TKFC: variants seen among roughly 807,000 people sequenced by gnomAD.
TKFC encodes triokinase and FMN cyclase.
TKFC carries 46 observed loss-of-function variants against 61.0 expected under a neutral mutation model. That is an observed-to-expected ratio of 0.75 (90% CI 0.60 to 0.96). The LOEUF is 0.96. Ranked by LOEUF, TKFC falls within the 50% of genes least tolerant of loss-of-function variation. The pLI is 0.00. For synonymous variants in TKFC, 314 were observed against 330.1 expected, an observed-to-expected ratio of 0.95 and a Z score of 0.53; for missense variants, 715 against 777.5, an observed-to-expected ratio of 0.92 and a Z score of 0.96.
At position 61,339,359 on chromosome 11, in the gene TKFC, T is replaced by A; in HGVS notation, c.410T>A (p.Ile137Asn). 1.2e-6 allele frequency: 2 copies of A among 1,613,646 alleles called. No individual in the cohort carries two copies. Among genetic ancestry groups the A allele is most frequent in the Non-Finnish European group, 1.7e-6 (2 of 1,180,004 alleles). ...GGCATCCCGGTGGAGATGGTGGTGA[T>A]TGGGGACGACAGCGCCTTCACTGTC... ...AEGIPVEMVVIGDDSAFTVLK... is the reference protein window; with the variant it reads ...AEGIPVEMVVNGDDSAFTVLK... Residue 137 changes from isoleucine (I) to asparagine (N), a missense_variant, in exon 5 of 18, where the codon ATT (isoleucine) becomes AAT (asparagine). Ile to Asn is a moderately radical substitution (Grantham distance 149, BLOSUM62 -3). Coordinates refer to ENST00000394900, the MANE Select transcript of TKFC (RefSeq NM_015533.4).
At chr11:61,350,397 C>T, downstream of TKFC, 1 of 1,610,142 alleles carries the variant, frequency 6.2e-7, no homozygotes, top group Non-Finnish European at 8.5e-7. Context: ...CTTCCTGCTG[C>T]TTCACTCCCC....
intron 1 of TKFC, 100 bp from the exon 2 acceptor site, chr11:61,334,520 A>C (rs1422179567): frequency 1.7e-6 from 1 of 591,970 alleles, no homozygotes; most frequent in African/African-American, 1.9e-5. Context: ...CTTGGACCGA[A>C]GTCTGGGGCA....
chr11:61,334,534 C>T (rs1856520955), intron 1 of TKFC, 86 bp from the exon 2 acceptor site: 2 of 637,606 alleles, frequency 3.1e-6, no homozygotes, highest in African/African-American at 1.8e-5. Context: ...TGGGGCAGCT[C>T]CCTAATTACT....
chr11:61,333,791 A>G (rs905424846), intron 1 of TKFC: 1 of 152,148 alleles, frequency 6.6e-6, no homozygotes, highest in African/African-American at 2.4e-5. Flanking sequence ...CCCACATCAA[A>G]CAGGCTCCCC....
chr11:61,342,543 G>C, intron 8 of TKFC, 31 bp from the exon 9 acceptor site: 1 of 1,614,060 alleles, frequency 6.2e-7, no homozygotes, highest in Non-Finnish European at 8.5e-7. Context: ...AGGCCCCCCA[G>C]ATGCAGCTCA....
Position 61,343,352 on chromosome 11 carries a change from G to A in TKFC, c.876G>A (p.Gly292=). Residue 292 remains glycine (G), a synonymous_variant, in exon 11 of 18, where the codon GGG becomes GGA. Transcript: ENST00000394900. ...ACTCTGGTATTGCAGAGGGCCGCGG[G>A]GTGAAGATTGCCCGTGCCCTGGTGG... is the stretch of plus-strand genomic sequence containing the variant. ...DATVRSLEGR[G]VKIARALVGT... is the part of the protein sequence containing the mutation. The A allele has an allele frequency of 6.2e-7, 1 of 1,614,118 alleles. No homozygotes were observed. Among genetic ancestry groups the A allele is most frequent in the Non-Finnish European group, 8.5e-7 (1 of 1,179,974 alleles).
chr11:61,334,573 C>T (rs1441444750), intron 1 of TKFC, 47 bp from the exon 2 acceptor site: 11 of 927,624 alleles, frequency 1.2e-5, no homozygotes, highest in South Asian at 3.0e-5. Flanking sequence ...TTGTGCCAGT[C>T]GACTGCGAGT....
rs1857249687 is a variant in TKFC at position 61,348,512 on chromosome 11, C to T, written c.*2009C>T. On this transcript the variant is annotated 3_prime_UTR_variant, in exon 18 of 18. Coordinates refer to ENST00000394900, the MANE Select transcript of TKFC (RefSeq NM_015533.4). ...AGAGACTGAATGTTTGTGTCCCCCC[C>T]AAATTCCTGTGTTGAAAGGCTCACC... The T allele has an allele frequency of 4.1e-6, 4 of 984,904 alleles. No homozygotes were observed. Among genetic ancestry groups the T allele is most frequent in the South Asian group, 9.4e-5 (2 of 21,280 alleles). 61.0% of individuals were successfully genotyped at this position (984,904 alleles called of 1,614,324 possible).
chr11:61,334,689 G>T lies in TKFC; in HGVS notation c.-40G>T. Reference sequence around the variant, plus strand: ...ATTGTCCATCCTCCAGCAGCTCAGTGCAACGGTGTGAACTCAGCCTGTTTC... The same window carrying T: ...ATTGTCCATCCTCCAGCAGCTCAGTTCAACGGTGTGAACTCAGCCTGTTTC... On this transcript the variant is annotated 5_prime_UTR_variant, in exon 2 of 18. Transcript: ENST00000394900. The T allele has an allele frequency of 6.2e-7, 1 of 1,613,980 alleles. No individual in the cohort carries two copies. The highest frequency in any genetic ancestry group is 8.5e-7 in the Non-Finnish European group (1 of 1,179,922).
intron 9 of TKFC, 42 bp from the exon 10 acceptor site, chr11:61,342,713 A>G: frequency 6.2e-7 from 1 of 1,612,608 alleles, no homozygotes; most frequent in Non-Finnish European, 8.5e-7. Context: ...TGGGGAGGAG[A>G]CGCCCAGAGG....
chr11:61,349,760 C>G (rs1257892238), downstream of TKFC: 2 of 657,908 alleles, frequency 3.0e-6, no homozygotes, highest in Admixed American at 4.2e-5. Flanking sequence ...GCCACTCCCC[C>G]TTTCTGCAAT....
At chr11:61,342,519 C>T in intron 8 of TKFC, 24 bp downstream of exon 8, 1 of 1,614,078 alleles carries the variant, frequency 6.2e-7, no homozygotes, top group East Asian at 2.2e-5. Flanking sequence ...CTGGCACAGG[C>T]CGCCCTAAGG....
intron 7 of TKFC, 198 bp from the exon 8 acceptor site, chr11:61,342,263 C>T: frequency 1.4e-6 from 1 of 691,240 alleles, no homozygotes; most frequent in Non-Finnish European, 2.5e-6. Context: ...CCTTAACTAT[C>T]TCTAGTTAAA....
chr11:61,352,729 A>G (rs1019084711), downstream of TKFC: 4 of 1,142,960 alleles, frequency 3.5e-6, no homozygotes, highest in Middle Eastern at 2.1e-4. Flanking sequence ...AGGGTGGTTG[A>G]CAGGATTAAA....
In TKFC at chr11:61,339,205, G is replaced by A. The variant is rs201326183; in HGVS notation, c.304+29G>A. ...AGCCTGGCATGCAGGAGGGGCTGCGGCAGGGAGGGCACAGTAAGCACACTG... is the reference window on the plus strand; with the variant it reads ...AGCCTGGCATGCAGGAGGGGCTGCGACAGGGAGGGCACAGTAAGCACACTG... On this transcript the variant is annotated intron_variant, in intron 4 of 17. Coordinates refer to ENST00000394900, the MANE Select transcript of TKFC (RefSeq NM_015533.4). 4.3e-6 allele frequency: 7 copies of A among 1,612,298 alleles called. No individual in the cohort carries two copies. The African/African-American group carries it at 9.3e-5, about 22-fold the overall frequency.
At chr11:61,353,018 A>G, downstream of TKFC, 1 of 1,614,162 alleles carries the variant, frequency 6.2e-7, no homozygotes, top group Non-Finnish European at 8.5e-7. Context: ...AATGCCCGAA[A>G]TGACGGATGC....
At chr11:61,342,253 C>T (rs1297870122) in intron 7 of TKFC, 2 of 667,520 alleles carry the variant, frequency 3.0e-6, no homozygotes, top group Non-Finnish European at 5.2e-6. Flanking sequence ...TGTGCTTCCT[C>T]CTTAACTATC....
At position 61,341,422 on chromosome 11, in the gene TKFC, C is replaced by T; in HGVS notation, c.487-14C>T. The T allele has an allele frequency of 6.4e-7, 1 of 1,552,414 alleles. No individual in the cohort carries two copies. Among genetic ancestry groups the T allele is most frequent in the Non-Finnish European group, 8.7e-7 (1 of 1,147,326 alleles). The stretch of plus-strand genomic sequence containing the variant: ...ACCCTCCCCCCTGGGGCTTTTACCT[C>T]TTTGTGGCTGCAGGTGGCAGGTGCT... On this transcript the variant is annotated splice_polypyrimidine_tract_variant and intron_variant, in intron 5 of 17. Coordinates refer to ENST00000394900, the MANE Select transcript of TKFC (RefSeq NM_015533.4).
downstream of TKFC, chr11:61,350,877 GT>G: frequency 7.0e-7 from 1 of 1,436,432 alleles, no homozygotes; most frequent in Non-Finnish European, 9.2e-7. Flanking sequence ...AAGTTACTTG[GT>G]TTCCTGCTGT....
Sources: allele counts gnomAD v4.1 joint callset, GRCh38; gene constraint gnomAD v4.1.1; transcripts MANE v1.5; gene names NCBI Gene and HGNC (gene_info 2026-07-23, HGNC 2026-07-21).